The following PTGFRN variants were observed in gnomAD, a reference collection of about 807,000 sequenced individuals.
PTGFRN encodes prostaglandin F2 receptor negative regulator.
In PTGFRN, 35 loss-of-function variants were observed where a neutral mutation model predicts 83.2. The ratio of observed to expected loss-of-function variants is 0.42; its 90% CI spans 0.32 to 0.56. The LOEUF (loss-of-function observed/expected upper bound fraction) is 0.56, where lower values mean the gene tolerates loss of function less well. PTGFRN is among the 20% of genes least tolerant of loss of function. PTGFRN has a pLI of 0.11. For synonymous variants in PTGFRN, 519 were observed against 498.6 expected (o/e 1.04, Z -0.55); for missense variants, 1,051 against 1,179.5 (o/e 0.89, Z 1.60).
At chr1:116,942,599 G>A (rs1264668038) in intron 2 of PTGFRN, among the ~76,000 whole-genome samples, 1 of 152,190 alleles carries the variant, frequency 6.6e-6, no homozygotes, top group African/African-American at 2.4e-5. Flanking sequence ...TGATGCTCAG[G>A]TTTATGGGAA....
rs1650081204 is a variant in PTGFRN, at chr1:116,942,204, GAATAATCATGTCTTA to G, written c.418+139_418+153del. ...GCTCTGCTCCCTCCTCTGTCCAGGG[GAATAATCATGTCTTA>G]AATAATCATGTCTTAAAATTTAAAA... On this transcript the variant is annotated intron_variant, in intron 2 of 8. Coordinates refer to ENST00000393203, the MANE Select transcript of PTGFRN (RefSeq NM_020440.4). The G allele has an allele frequency of 2.5e-5, 32 of 1,292,288 alleles. No individual in the cohort carries two copies. In the South Asian group the frequency reaches 3.4e-4, roughly 14 times the overall value. The allele number at this position is 1,292,288 out of a possible 1,614,324, so 80.1% of individuals were successfully genotyped here.
intron 4 of PTGFRN, among the ~76,000 whole-genome samples, chr1:116,956,181 T>A (rs1300705091): frequency 6.6e-6 from 1 of 152,208 alleles, no homozygotes; most frequent in Admixed American, 6.5e-5. Flanking sequence ...AAAGTTGAGC[T>A]ACAAGGCTGG....
chr1:116,969,122 T>G (rs1196755316), intron 6 of PTGFRN, among the ~76,000 whole-genome samples: 1 of 102,616 alleles, frequency 9.7e-6, no homozygotes, highest in South Asian at 3.2e-4. Context: ...GTTTATCTGT[T>G]TTTTTTTTTT....
intron 7 of PTGFRN, among the ~76,000 whole-genome samples, chr1:116,982,022 A>G (rs1443379823): frequency 6.6e-6 from 1 of 152,234 alleles, no homozygotes; most frequent in East Asian, 1.9e-4. Context: ...AAGAGGAATG[A>G]GAAGCCACTC....
At chr1:116,983,557 A>G (rs1164918850) in intron 7 of PTGFRN, among the ~76,000 whole-genome samples, 2 of 152,014 alleles carry the variant, frequency 1.3e-5, no homozygotes, top group African/African-American at 2.4e-5. Context: ...CAATGGGAGA[A>G]AAAGAGAAGA....
chr1:116,946,168 C>G (rs777334611), intron 3 of PTGFRN, among the ~76,000 whole-genome samples: 11 of 152,144 alleles, frequency 7.2e-5, no homozygotes, highest in Non-Finnish European at 1.6e-4. Flanking sequence ...TGTGGTGGCT[C>G]TGTTACTCAG....
chr1:116,948,042 C>T (rs749428715), intron 3 of PTGFRN, among the ~76,000 whole-genome samples: 3 of 152,152 alleles, frequency 2.0e-5, no homozygotes, highest in Non-Finnish European at 4.4e-5. Context: ...GGAGCACGGG[C>T]TTTGGAGTTG....
intron 8 of PTGFRN, among the ~76,000 whole-genome samples, chr1:116,985,691 A>G (rs1270863582): frequency 4.8e-5 from 7 of 146,288 alleles, no homozygotes; most frequent in Non-Finnish European, 1.0e-4. Flanking sequence ...CCAGGCGACA[A>G]TGGGATACTC....
chr1:116,982,011 G>C (rs1183050912), intron 7 of PTGFRN, among the ~76,000 whole-genome samples: 2 of 152,314 alleles, frequency 1.3e-5, no homozygotes, highest in East Asian at 3.9e-4. Context: ...ATTCACAGGG[G>C]AAGAGGAATG....
At chr1:116,959,954 G>A (rs1452481693) in intron 4 of PTGFRN, among the ~76,000 whole-genome samples, 4 of 151,636 alleles carry the variant, frequency 2.6e-5, no homozygotes, top group African/African-American at 9.7e-5. Flanking sequence ...CTTGGGGACA[G>A]TAAGACTGTC....
chr1:116,977,299 A>G (rs1651185158), intron 7 of PTGFRN, among the ~76,000 whole-genome samples: 1 of 152,214 alleles, frequency 6.6e-6, no homozygotes, highest in Non-Finnish European at 1.5e-5. Context: ...CACTGTCAGC[A>G]TTAGACAAAT....
At chr1:116,968,131 C>G (rs1348700791) in intron 6 of PTGFRN, among the ~76,000 whole-genome samples, 2 of 152,118 alleles carry the variant, frequency 1.3e-5, no homozygotes, top group East Asian at 3.8e-4. Context: ...AAACCCCAAT[C>G]TTATTTAGAA....
At chr1:116,983,125 C>A (rs1354144552) in intron 7 of PTGFRN, among the ~76,000 whole-genome samples, 1 of 152,012 alleles carries the variant, frequency 6.6e-6, no homozygotes, top group Non-Finnish European at 1.5e-5. Flanking sequence ...TAAATTTAAC[C>A]CTGGGTTTTG....
Position 116,986,933 on chromosome 1 carries a change from AGCGCCGCAGGCTC to A in PTGFRN, c.2607_2619del (p.Arg870CysfsTer19). The A allele has an allele frequency of 6.2e-7, 1 of 1,614,242 alleles. No homozygotes were observed. Among genetic ancestry groups the A allele is most frequent in the African/African-American group, 1.3e-5 (1 of 75,060 alleles). On this transcript the variant is annotated frameshift_variant, in exon 9 of 9. Transcript: ENST00000393203. LOFTEE classifies it high-confidence loss of function. ...AAGGAGGTTCAGGAGACACGGCGCGAGCGCCGCAGGCTCATGTCGATGGAGATGGACTAGGCTG... is the reference window on the plus strand; with the variant it reads ...AAGGAGGTTCAGGAGACACGGCGCGAATGTCGATGGAGATGGACTAGGCTG...
intron 7 of PTGFRN, among the ~76,000 whole-genome samples, chr1:116,977,384 T>A (rs893169174): frequency 1.7e-4 from 26 of 152,212 alleles, no homozygotes; most frequent in African/African-American, 6.3e-4. Context: ...AATAGACATC[T>A]ACAGAACTCT....
chr1:116,929,787 C>G (rs989959143), intron 1 of PTGFRN, among the ~76,000 whole-genome samples: 3 of 152,192 alleles, frequency 2.0e-5, no homozygotes, highest in Non-Finnish European at 4.4e-5. Context: ...CATGTGTCCC[C>G]AGTGCCTAGA....
At chr1:116,972,009 G>A (rs1046006364) in intron 6 of PTGFRN, among the ~76,000 whole-genome samples, 1 of 152,046 alleles carries the variant, frequency 6.6e-6, no homozygotes, top group Admixed American at 6.6e-5. Flanking sequence ...CCCCCTGCCC[G>A]CCCTTGCTCA....
chr1:116,978,394 C>G (rs916046728), intron 7 of PTGFRN, among the ~76,000 whole-genome samples: 4 of 152,134 alleles, frequency 2.6e-5, no homozygotes, highest in South Asian at 2.1e-4. Context: ...CATCCTGATA[C>G]CAAAGCCTGG....
chr1:116,933,409 CTT>C (rs1448300974), intron 1 of PTGFRN, among the ~76,000 whole-genome samples: 3 of 152,138 alleles, frequency 2.0e-5, no homozygotes, highest in Non-Finnish European at 2.9e-5. Context: ...CCTCCCCTCA[CTT>C]TTTCTGCTAT....
Sources: allele counts gnomAD v4.1 joint callset (sites outside exome capture counted in the v4.1 genomes callset), GRCh38; gene constraint gnomAD v4.1.1; transcripts MANE v1.5; gene names NCBI Gene and HGNC (gene_info 2026-07-23, HGNC 2026-07-21).